EDARADD: variants seen among roughly 807,000 people sequenced by gnomAD.
EDARADD encodes the protein EDAR associated via death domain.
A neutral mutation model predicts 25.6 loss-of-function variants in EDARADD; 20 were observed. That is an observed-to-expected ratio of 0.78 (90% CI 0.55 to 1.14). The LOEUF is 1.14. Ranked by LOEUF, EDARADD falls within the 50% of genes most tolerant of loss-of-function variation. The pLI, the probability that EDARADD is intolerant of heterozygous loss-of-function variation, is 0.00. For missense variants in EDARADD, 225 were observed against 270.1 expected (o/e 0.83, Z 1.17); for synonymous variants, 86 against 94.4 (o/e 0.91, Z 0.52).
In EDARADD at chr1:236,397,467, G is replaced by A. The variant is rs114192666; in HGVS notation, c.61+2962G>A. On this transcript the variant is annotated intron_variant, in intron 1 of 5. Coordinates refer to ENST00000334232, the MANE Select transcript of EDARADD (RefSeq NM_145861.4). Reference sequence around the variant, plus strand: ...TTTCCCAAGATGGTGTTCTTAGTCTGCCCAGCCCAGCCAAAATGGATGTGC... The same window carrying A: ...TTTCCCAAGATGGTGTTCTTAGTCTACCCAGCCCAGCCAAAATGGATGTGC... Among the ~76,000 whole-genome samples the A allele has an allele frequency of 4.5e-3, 691 of 152,204 alleles. 5 individuals are homozygous for A. Among genetic ancestry groups the A allele is most frequent in the African/African-American group, 0.016 (662 of 41,522 alleles).
chr1:236,483,126 C>T lies in EDARADD; in HGVS notation c.*477C>T. The T allele has an allele frequency of 7.4e-7, 1 of 1,354,702 alleles. No homozygotes were observed. The highest frequency in any genetic ancestry group is 1.0e-6 in the Non-Finnish European group (1 of 953,176). 83.9% of individuals were successfully genotyped at this position (1,354,702 alleles called of 1,614,324 possible). On this transcript the variant is annotated 3_prime_UTR_variant, in exon 6 of 6. Transcript: ENST00000334232. Reference sequence around the variant, plus strand: ...TGAGTGTCTGCAGCACCCTCCACTTCTCTCCTAGGCAATGAGACCCAGTGG... The same window carrying T: ...TGAGTGTCTGCAGCACCCTCCACTTTTCTCCTAGGCAATGAGACCCAGTGG...
At chr1:236,402,813 G>A (rs1002234498) in intron 1 of EDARADD, among the ~76,000 whole-genome samples, 3 of 152,120 alleles carry the variant, frequency 2.0e-5, no homozygotes, top group Non-Finnish European at 4.4e-5. Context: ...CTCTTACCCT[G>A]TGATCTTGGA....
Position 236,457,461 on chromosome 1 carries a change from G to C in EDARADD, c.220-10770G>C, listed in dbSNP as rs1571947408. 4.6e-5 allele frequency among the ~76,000 whole-genome samples: 7 copies of C among 152,042 alleles called. No individual in the cohort carries two copies. The South Asian group carries it at 1.5e-3, about 32-fold the overall frequency. Reference sequence around the variant, plus strand: ...GCTCTGGAGGCGGAGGTCATAGTGAGCCAAGATCGTGCCACTGAACTCCAG... The same window carrying C: ...GCTCTGGAGGCGGAGGTCATAGTGACCCAAGATCGTGCCACTGAACTCCAG... On this transcript the variant is annotated intron_variant, in intron 4 of 5. Transcript: ENST00000334232.
intron 4 of EDARADD, among the ~76,000 whole-genome samples, chr1:236,428,944 G>A (rs1193244968): frequency 2.6e-5 from 4 of 152,112 alleles, no homozygotes; most frequent in Non-Finnish European, 4.4e-5. Context: ...GACACGCCCG[G>A]CCAACAGGGC....
At position 236,451,702 on chromosome 1, in the gene EDARADD, C is replaced by T. The variant is rs747538762; in HGVS notation, c.220-16529C>T. Among the ~76,000 whole-genome samples, 91 of 152,262 alleles carry T rather than the reference C, an allele frequency of 6.0e-4. 1 individual carries two copies. Among genetic ancestry groups the T allele is most frequent in the Admixed American group, 2.6e-3 (39 of 15,286 alleles). On this transcript the variant is annotated intron_variant, in intron 4 of 5. Coordinates refer to ENST00000334232, the MANE Select transcript of EDARADD (RefSeq NM_145861.4). ...CCTCCCAAAGTGCTGAGATTACAGG[C>T]GTGAGCCACCACACCTGGCTCAGAG...
intron 4 of EDARADD, among the ~76,000 whole-genome samples, chr1:236,452,657 C>G (rs1658746061): frequency 6.6e-6 from 1 of 152,170 alleles, no homozygotes; most frequent in Non-Finnish European, 1.5e-5. Context: ...TCAGGCAGTT[C>G]TTTACAGCAG....
At chr1:236,437,025 C>G (rs1167600000) in intron 4 of EDARADD, among the ~76,000 whole-genome samples, 1 of 152,214 alleles carries the variant, frequency 6.6e-6, no homozygotes, top group African/African-American at 2.4e-5. Context: ...CCCTTAGGGT[C>G]TCCAGATACA....
At chr1:236,460,845 C>T (rs1221790789) in intron 4 of EDARADD, among the ~76,000 whole-genome samples, 1 of 151,184 alleles carries the variant, frequency 6.6e-6, no homozygotes, top group African/African-American at 2.4e-5. Flanking sequence ...TTTTTTGAGA[C>T]GTAGTCTTGC....
chr1:236,392,478 C>T (rs1667438106), upstream of EDARADD, among the ~76,000 whole-genome samples: 1 of 142,578 alleles, frequency 7.0e-6, no homozygotes, highest in Non-Finnish European at 1.5e-5. Flanking sequence ...GCATGTACCA[C>T]CATGCTCAGC....
At chr1:236,478,154 G>C (rs1659561503) in intron 5 of EDARADD, among the ~76,000 whole-genome samples, 2 of 151,958 alleles carry the variant, frequency 1.3e-5, no homozygotes, top group Non-Finnish European at 1.5e-5. Context: ...ACTGGTAAAG[G>C]CTTTCTTTCT....
intron 3 of EDARADD, among the ~76,000 whole-genome samples, chr1:236,353,678 CAAA>C (rs34798233): frequency 8.9e-5 from 7 of 78,730 alleles, no homozygotes; most frequent in Admixed American, 1.6e-4. Flanking sequence ...ACTCCAACTC[CAAA>C]AAAAAAAAAA....
At chr1:236,463,948 T>G (rs1020751709) in intron 4 of EDARADD, among the ~76,000 whole-genome samples, 10 of 152,158 alleles carry the variant, frequency 6.6e-5, no homozygotes, top group African/African-American at 2.4e-4. Flanking sequence ...ACAGGGTGCC[T>G]GGGGAACACC....
intron 3 of EDARADD, among the ~76,000 whole-genome samples, chr1:236,383,181 G>C (rs1008580386): frequency 6.6e-6 from 1 of 151,992 alleles, no homozygotes; most frequent in African/African-American, 2.4e-5. Flanking sequence ...TATCACCTGA[G>C]GTCAGGAGTT....
intron 3 of EDARADD, among the ~76,000 whole-genome samples, chr1:236,368,417 C>T (rs1477829477): frequency 6.6e-6 from 1 of 151,594 alleles, no homozygotes. Flanking sequence ...TGTTCTCTCA[C>T]CCCAGCCCCA....
chr1:236,390,024 A>G (rs1274582102), upstream of EDARADD, among the ~76,000 whole-genome samples: 1 of 152,128 alleles, frequency 6.6e-6, no homozygotes, highest in Non-Finnish European at 1.5e-5. Flanking sequence ...CTCAAAAACA[A>G]GAAGGTAGCA....
intron 4 of EDARADD, among the ~76,000 whole-genome samples, chr1:236,446,308 T>C (rs776159820): frequency 6.6e-6 from 1 of 152,096 alleles, no homozygotes; most frequent in Non-Finnish European, 1.5e-5. Flanking sequence ...TAGAAAGTCA[T>C]AAGGAGGCCG....
chr1:236,443,591 A>T (rs145491674), intron 4 of EDARADD, among the ~76,000 whole-genome samples: 3 of 152,318 alleles, frequency 2.0e-5, no homozygotes, highest in African/African-American at 7.2e-5. Context: ...GTGCCTGAAG[A>T]TGGGGCTGGA....
chr1:236,474,230 G>A (rs147866529), intron 5 of EDARADD, among the ~76,000 whole-genome samples: 2 of 152,284 alleles, frequency 1.3e-5, no homozygotes, highest in Non-Finnish European at 2.9e-5. Flanking sequence ...AATTTTGATA[G>A]TGATAATTAC....
At chr1:236,381,738 TCTG>T (rs1667301190) in intron 3 of EDARADD, among the ~76,000 whole-genome samples, 1 of 150,794 alleles carries the variant, frequency 6.6e-6, no homozygotes, top group South Asian at 2.1e-4. Flanking sequence ...TGATGAAAAA[TCTG>T]CTGTCATCCT....
Sources: allele counts gnomAD v4.1 joint callset (sites outside exome capture counted in the v4.1 genomes callset), GRCh38; gene constraint gnomAD v4.1.1; transcripts MANE v1.5; gene names NCBI Gene and HGNC (gene_info 2026-07-23, HGNC 2026-07-21).